The following PDCD10 variants were observed in gnomAD, a reference collection of about 807,000 sequenced individuals.
PDCD10 encodes the protein programmed cell death protein 10.
Under a neutral mutation model 29.2 loss-of-function variants are expected in PDCD10, and 4 were observed. The observed-to-expected ratio is 0.14, with a 90% CI of 0.07 to 0.31. The LOEUF (loss-of-function observed/expected upper bound fraction) is 0.31, where lower values mean the gene tolerates loss of function less well. Ranked by LOEUF, PDCD10 falls within the 10% of genes least tolerant of loss-of-function variation. PDCD10 has a pLI of 1.00. For synonymous variants in PDCD10, 70 were observed against 82.2 expected, an observed-to-expected ratio of 0.85 and a Z score of 0.80; for missense variants, 183 against 257.9, an observed-to-expected ratio of 0.71 and a Z score of 1.99.
At chr3:167,733,571 G>C (rs1725040306) in intron 2 of PDCD10, among the ~76,000 whole-genome samples, 1 of 152,058 alleles carries the variant, frequency 6.6e-6, no homozygotes, top group Non-Finnish European at 1.5e-5. Flanking sequence ...TGGGGGAAAA[G>C]TAAAGTCTCA....
rs2108484502 is a variant in PDCD10 at position 167,720,231 on chromosome 3, C to A, written c.-74G>T. 4 of 981,708 alleles carry A rather than the reference C, an allele frequency of 4.1e-6. No individual in the cohort carries two copies. Among genetic ancestry groups the A allele is most frequent in the Admixed American group, 3.5e-5 (2 of 57,412 alleles). The allele number at this position is 981,708 out of a possible 1,614,324, so 60.8% of individuals were successfully genotyped here. On this transcript the variant is annotated 5_prime_UTR_variant, in exon 3 of 9. Transcript: ENST00000392750. The stretch of plus-strand genomic sequence containing the variant: ...CTTCATTCACTGCAATATTTCTTCT[C>A]TTTTTTGGTGATAAAAGAATTGGAC...
intron 6 of PDCD10, among the ~76,000 whole-genome samples, chr3:167,690,464 G>A (rs1241794612): frequency 6.6e-6 from 1 of 152,162 alleles, no homozygotes; most frequent in South Asian, 2.1e-4. Flanking sequence ...CTAAGAATAT[G>A]CAAATGCAGA....
chr3:167,712,352 G>A (rs1324914375), intron 3 of PDCD10, among the ~76,000 whole-genome samples: 1 of 151,910 alleles, frequency 6.6e-6, no homozygotes, highest in Non-Finnish European at 1.5e-5. Context: ...GATTTTATTA[G>A]TTTTCTTTTT....
chr3:167,721,165 A>C (rs964303598), intron 2 of PDCD10, among the ~76,000 whole-genome samples: 2 of 152,160 alleles, frequency 1.3e-5, no homozygotes, highest in African/African-American at 4.8e-5. Flanking sequence ...TTTTTTGATT[A>C]ATTTCTACTA....
At chr3:167,722,004 C>T (rs1723618541) in intron 2 of PDCD10, among the ~76,000 whole-genome samples, 2 of 152,036 alleles carry the variant, frequency 1.3e-5, no homozygotes, top group South Asian at 4.1e-4. Flanking sequence ...TATTTAGCTA[C>T]TTAAGTCACT....
intron 4 of PDCD10, 88 bp from the exon 5 acceptor site, chr3:167,697,214 G>A: frequency 1.3e-6 from 1 of 775,686 alleles, no homozygotes; most frequent in Non-Finnish European, 2.3e-6. Context: ...TCTGTTGGGA[G>A]CGTCTTACAC....
At chr3:167,696,254 A>T (rs1042618603) in intron 5 of PDCD10, among the ~76,000 whole-genome samples, 1 of 152,168 alleles carries the variant, frequency 6.6e-6, no homozygotes, top group African/African-American at 2.4e-5. Flanking sequence ...CACCAGCACA[A>T]ATCCAACACA....
chr3:167,726,743 G>C (rs1464106471), intron 2 of PDCD10, among the ~76,000 whole-genome samples: 2 of 152,038 alleles, frequency 1.3e-5, no homozygotes, highest in African/African-American at 2.4e-5. Context: ...ATTGCAACTA[G>C]GGTGAGGCAA....
intron 2 of PDCD10, among the ~76,000 whole-genome samples, chr3:167,725,072 T>C (rs917426388): frequency 1.3e-5 from 2 of 151,812 alleles, no homozygotes; most frequent in African/African-American, 4.8e-5. Context: ...GCCTGGCTAA[T>C]ATGGTGAAAC....
intron 3 of PDCD10, among the ~76,000 whole-genome samples, chr3:167,719,724 G>A (rs1276235868): frequency 2.0e-5 from 3 of 151,964 alleles, no homozygotes; most frequent in Non-Finnish European, 4.4e-5. Flanking sequence ...CTTCTTAAGT[G>A]AGGCCTGTCC....
At chr3:167,684,416 T>C in intron 8 of PDCD10, 27 bp from the exon 9 acceptor site, 1 of 1,369,170 alleles carries the variant, frequency 7.3e-7, no homozygotes. Context: ...GAATAAGCAT[T>C]AATTTCATCC....
chr3:167,723,975 A>G lies in PDCD10; in HGVS notation c.-116-3702T>C, dbSNP rs144021432. Among the ~76,000 whole-genome samples, 38 of 152,326 alleles carry G rather than the reference A, an allele frequency of 2.5e-4. No individual in the cohort carries two copies. In the East Asian group the frequency reaches 5.0e-3, roughly 20 times the overall value. On this transcript the variant is annotated intron_variant, in intron 2 of 8. Coordinates refer to ENST00000392750, the MANE Select transcript of PDCD10 (RefSeq NM_007217.4). The stretch of plus-strand genomic sequence containing the variant: ...AGCTGAAGATAATTATCACTTGCTT[A>G]GAGTAAGAAGCCCAAAAACAGGTAT...
At chr3:167,715,414 T>C (rs1468224514) in intron 3 of PDCD10, among the ~76,000 whole-genome samples, 1 of 151,592 alleles carries the variant, frequency 6.6e-6, no homozygotes, top group African/African-American at 2.4e-5. Context: ...CATGGACAAA[T>C]AGCACATCAA....
intron 3 of PDCD10, among the ~76,000 whole-genome samples, chr3:167,716,308 G>T (rs955021488): frequency 6.6e-6 from 1 of 151,832 alleles, no homozygotes; most frequent in Non-Finnish European, 1.5e-5. Context: ...TGGTTAATAG[G>T]TACTAAAACA....
intron 5 of PDCD10, among the ~76,000 whole-genome samples, chr3:167,696,105 G>A (rs1374598539): frequency 2.0e-5 from 3 of 151,900 alleles, no homozygotes; most frequent in Admixed American, 6.6e-5. Flanking sequence ...CTAGTGCAAA[G>A]GTAATATCTA....
At chr3:167,718,279 A>G (rs1368369479) in intron 3 of PDCD10, among the ~76,000 whole-genome samples, 1 of 152,124 alleles carries the variant, frequency 6.6e-6, no homozygotes, top group African/African-American at 2.4e-5. Context: ...TCACACCTCT[A>G]GACCCTAACA....
chr3:167,724,764 A>C (rs2108495717), intron 2 of PDCD10, among the ~76,000 whole-genome samples: 1 of 152,344 alleles, frequency 6.6e-6, no homozygotes, highest in South Asian at 2.1e-4. Context: ...AGTGATAATA[A>C]GACTTCATTA....
At position 167,684,392 on chromosome 3, in the gene PDCD10, GT is replaced by G; in HGVS notation, c.558-4del. On this transcript the variant is annotated splice_polypyrimidine_tract_variant and splice_region_variant and intron_variant, in intron 8 of 8. Coordinates refer to ENST00000392750, the MANE Select transcript of PDCD10 (RefSeq NM_007217.4). ...CACTTACGAACACATTTATTGCCCT[GT>G]TTAAAAAGAAAAGAATAAGCATTAA... 6.4e-7 allele frequency: 1 copy of G among 1,563,162 alleles called. No individual in the cohort carries two copies. The highest frequency in any genetic ancestry group is 8.8e-7 in the Non-Finnish European group (1 of 1,137,156).
At chr3:167,690,872 G>C (rs1720152266) in intron 6 of PDCD10, among the ~76,000 whole-genome samples, 1 of 152,098 alleles carries the variant, frequency 6.6e-6, no homozygotes, top group African/African-American at 2.4e-5. Flanking sequence ...TATATCCAAG[G>C]TTACATAGCT....
Sources: allele counts gnomAD v4.1 joint callset (sites outside exome capture counted in the v4.1 genomes callset), GRCh38; gene constraint gnomAD v4.1.1; transcripts MANE v1.5; gene names NCBI Gene and HGNC (gene_info 2026-07-23, HGNC 2026-07-21).